ZNF782: variants seen among roughly 807,000 people sequenced by gnomAD.
ZNF782 encodes the protein zinc finger protein 782.
Under a neutral mutation model 13.0 loss-of-function variants are expected in ZNF782, and 12 were observed. That is an observed-to-expected ratio of 0.92 (90% CI 0.59 to 1.50). ZNF782 has a LOEUF of 1.50. Ranked by LOEUF, ZNF782 falls within the 40% of genes most tolerant of loss-of-function variation. The pLI is 0.00. For synonymous variants in ZNF782, 284 were observed against 283.0 expected (o/e 1.00, Z -0.04); for missense variants, 770 against 822.9 (o/e 0.94, Z 0.79).
chr9:96,889,778 GTGTGTATA>G, the ZNF782 span: 6 of 152,256 alleles, frequency 3.9e-5, no homozygotes, highest in East Asian at 9.6e-4. Flanking sequence ...GTATGTGTGT[GTGTGTATA>G]TGTGTATATA....
chr9:96,925,287 T>C, the ZNF782 span, among the ~76,000 whole-genome samples: 1,008 of 151,514 alleles, frequency 6.7e-3, 10 homozygotes, highest in African/African-American at 0.023. Context: ...ACCAGGGCGC[T>C]TCCTGGGGCC....
At chr9:96,912,859 T>C in the ZNF782 span, among the ~76,000 whole-genome samples, 5 of 151,770 alleles carry the variant, frequency 3.3e-5, no homozygotes, top group Non-Finnish European at 7.4e-5. Context: ...ATAAAGTTGC[T>C]GGGGTTTTTT....
In ZNF782 at chr9:96,874,028, T is replaced by G. The variant is rs571312139; in HGVS notation, c.-457+1440A>C. Reference sequence around the variant, plus strand: ...TTCATTTTTAGGGTTATTTCCACTTTTGTAATACAGACACCAGTGAAATTT... The same window carrying G: ...TTCATTTTTAGGGTTATTTCCACTTGTGTAATACAGACACCAGTGAAATTT... On this transcript the variant is annotated intron_variant, in intron 1 of 5. Transcript: ENST00000498811. 3.3e-5 allele frequency among the ~76,000 whole-genome samples: 5 copies of G among 152,356 alleles called. No individual in the cohort carries two copies. In the South Asian group the frequency reaches 6.2e-4, roughly 19 times the overall value.
At position 96,817,236 on chromosome 9, in the gene ZNF782, G is replaced by A. The variant is rs189906814; in HGVS notation, c.*687C>T. 2 of 152,328 alleles carry A rather than the reference G, an allele frequency of 1.3e-5. No homozygotes were observed. Among genetic ancestry groups the A allele is most frequent in the East Asian group, 1.9e-4 (1 of 5,188 alleles). The allele number at this position is 152,328 out of a possible 1,614,324, so 9.4% of individuals were successfully genotyped here. A position where few individuals can be genotyped will look rare whatever the true frequency, so the allele number is the denominator to read the frequency against. ...CTGACCCCATATTCCACTAGCTAGA[G>A]GGTAACAATATGACCCCGTTTAGAT... On this transcript the variant is annotated 3_prime_UTR_variant, in exon 6 of 6. Coordinates refer to ENST00000481138, the MANE Select transcript of ZNF782 (RefSeq NM_001001662.3).
Position 96,819,337 on chromosome 9 carries a change from G to A in ZNF782, c.686C>T (p.Ala229Val). ...GTGGGTACTGTTAGATGTAACAAGG[G>A]CAGCCTTTTCAAGAAAAGCTTTTCT... ...ESRKAFLEKAALVTSNSTHPK... is the reference protein window; with the variant it reads ...ESRKAFLEKAVLVTSNSTHPK... The change falls in exon 6 of 6, where the codon GCC becomes GTC. Residue 229 changes from alanine to valine, a missense_variant. By Grantham distance (64) the Ala-to-Val change is moderately conservative. Transcript: ENST00000481138. 2 of 1,602,516 alleles carry A rather than the reference G, an allele frequency of 1.2e-6. No homozygotes were observed. Among genetic ancestry groups the A allele is most frequent in the South Asian group, 1.1e-5 (1 of 88,542 alleles).
chr9:96,902,208 C>T, the ZNF782 span, among the ~76,000 whole-genome samples: 2 of 151,546 alleles, frequency 1.3e-5, no homozygotes, highest in East Asian at 1.9e-4. Flanking sequence ...CCGAGGCAGG[C>T]GGATCACTGG....
Position 96,838,142 on chromosome 9 carries a change from C to T in ZNF782, c.142+6748G>A, listed in dbSNP as rs74771248. Among the ~76,000 whole-genome samples, 1,406 of 152,212 alleles carry T rather than the reference C, an allele frequency of 9.2e-3. 51 individuals carry two copies. The East Asian group carries it at 0.1, about 11-fold the overall frequency. On this transcript the variant is annotated intron_variant, in intron 4 of 5. Transcript: ENST00000481138. Reference sequence around the variant, plus strand: ...AATTATACTGAGAATTTTTCTTTGACTCATGTGTTGACAAGTGTGTTGGTT... The same window carrying T: ...AATTATACTGAGAATTTTTCTTTGATTCATGTGTTGACAAGTGTGTTGGTT...
intron 1 of ZNF782, among the ~76,000 whole-genome samples, chr9:96,871,864 T>C (rs1483643134): frequency 6.6e-6 from 1 of 152,238 alleles, no homozygotes; most frequent in Non-Finnish European, 1.5e-5. Flanking sequence ...TAAAGTGCCC[T>C]TTTCTCTTTT....
At chr9:96,909,961 G>GCT in the ZNF782 span, 2 of 442,170 alleles carry the variant, frequency 4.5e-6, no homozygotes, top group Non-Finnish European at 8.6e-6. Flanking sequence ...TCCTTGTCCA[G>GCT]CTCCTTGCTC....
chr9:96,839,425 T>C (rs958680494), intron 4 of ZNF782, among the ~76,000 whole-genome samples: 2 of 152,084 alleles, frequency 1.3e-5, no homozygotes, highest in Admixed American at 1.3e-4. Context: ...AAAGTCTTCT[T>C]ATGTGTTTTG....
At chr9:96,911,523 TTTG>T in the ZNF782 span, among the ~76,000 whole-genome samples, 9 of 139,472 alleles carry the variant, frequency 6.5e-5, no homozygotes, top group African/African-American at 2.1e-4. Flanking sequence ...TTTGTTTTGT[TTTG>T]TTTTTTTTTT....
chr9:96,822,387 A>T (rs905175492), intron 5 of ZNF782, among the ~76,000 whole-genome samples: 1 of 152,258 alleles, frequency 6.6e-6, no homozygotes, highest in African/African-American at 2.4e-5. Flanking sequence ...GCACATTCAT[A>T]GCTATGTGCT....
chr9:96,910,611 C>T, the ZNF782 span, among the ~76,000 whole-genome samples: 1 of 147,168 alleles, frequency 6.8e-6, no homozygotes, highest in East Asian at 2.0e-4. Flanking sequence ...GAAAAAACAA[C>T]CAAAACTTCC....
chr9:96,877,817 G>C (rs958869461), upstream of ZNF782, among the ~76,000 whole-genome samples: 2 of 152,152 alleles, frequency 1.3e-5, no homozygotes, highest in African/African-American at 4.8e-5. Flanking sequence ...GTGCTTTTTG[G>C]GGGGAAGGAC....
the ZNF782 span, among the ~76,000 whole-genome samples, chr9:96,916,233 T>C: frequency 2.6e-5 from 4 of 151,980 alleles, no homozygotes; most frequent in Non-Finnish European, 5.9e-5. Flanking sequence ...GGCTCACGCC[T>C]GTAATCCCAG....
At chr9:96,848,927 T>C (rs1851415787) in intron 3 of ZNF782, among the ~76,000 whole-genome samples, 1 of 152,182 alleles carries the variant, frequency 6.6e-6, no homozygotes, top group Non-Finnish European at 1.5e-5. Flanking sequence ...CAAATTATAC[T>C]ACAAGGCTAT....
At chr9:96,928,057 G>A in the ZNF782 span, among the ~76,000 whole-genome samples, 4,563 of 131,566 alleles carry the variant, frequency 0.035, 215 homozygotes, top group East Asian at 0.12. Flanking sequence ...AAAGAATCAG[G>A]TAACACCTAT....
intron 1 of ZNF782, among the ~76,000 whole-genome samples, chr9:96,873,710 A>C (rs975193542): frequency 5.9e-5 from 9 of 152,228 alleles, no homozygotes; most frequent in Non-Finnish European, 1.2e-4. Context: ...ACACACACAC[A>C]AAAGAGTAAG....
rs143941925 is a variant in ZNF782 at position 96,819,573 on chromosome 9, C to T, written c.450G>A (p.Leu150=). 6.2e-7 allele frequency: 1 copy of T among 1,613,204 alleles called. No homozygotes were observed. Among genetic ancestry groups the T allele is most frequent in the Non-Finnish European group, 8.5e-7 (1 of 1,179,788 alleles). ...IAGSACQGLS[L]MAPHCQYSKE... is the part of the protein sequence containing the mutation. ...TTGAATACTGACAGTGTGGGGCCAT[C>T]AGGCTGAGCCCCTGGCAAGCAGACC... The change falls in exon 6 of 6, where the codon CTG becomes CTA. Residue 150 remains leucine (L), a synonymous_variant. Transcript: ENST00000481138.
Sources: allele counts gnomAD v4.1 joint callset (sites outside exome capture counted in the v4.1 genomes callset), GRCh38; gene constraint gnomAD v4.1.1; transcripts MANE v1.5; gene names NCBI Gene and HGNC (gene_info 2026-07-23, HGNC 2026-07-21).